The following NPAP1 variants were observed in gnomAD, a reference collection of about 807,000 sequenced individuals.
NPAP1 encodes the protein nuclear pore-associated protein 1.
For synonymous variants in NPAP1, 616 were observed against 581.4 expected (o/e 1.06, Z -0.86); for missense variants, 1,483 against 1,454.5 (o/e 1.02, Z -0.32).
In NPAP1 at chr15:24,676,813, G is replaced by C. The variant is rs767125914; in HGVS notation, c.946G>C (p.Ala316Pro). 2 of 1,613,034 alleles carry C rather than the reference G, an allele frequency of 1.2e-6. No homozygotes were observed. Among genetic ancestry groups the C allele is most frequent in the Admixed American group, 3.3e-5 (2 of 60,012 alleles). ...TTTCTGTATTCCTCCAAGGAGCGCT[G>C]CTCCTCCCAGAGCTGCCCGCAACAG... The part of the protein sequence containing the change: ...KPFCIPPRSA[A>P]PPRAARNRPC... Residue 316 changes from alanine to proline, a missense_variant, in exon 1 of 1, where the codon GCT (alanine) becomes CCT (proline). Coordinates refer to ENST00000329468, the MANE Select transcript of NPAP1 (RefSeq NM_018958.3).
At position 24,676,509 on chromosome 15, in the gene NPAP1, C is replaced by T. The variant is rs1040893141; in HGVS notation, c.642C>T (p.His214=). The T allele has an allele frequency of 6.2e-7, 1 of 1,614,024 alleles. No individual in the cohort carries two copies. The highest frequency in any genetic ancestry group is 1.3e-5 in the African/African-American group (1 of 74,936). Residue 214 remains histidine, a synonymous_variant, in exon 1 of 1, where the codon CAC becomes CAT. Coordinates refer to ENST00000329468, the MANE Select transcript of NPAP1 (RefSeq NM_018958.3). ...GGCCTCTGGAGGGAAATGTCTACCA[C>T]AAGTTCTCAGAAAACAGCATGAGTG... is the stretch of plus-strand genomic sequence containing the variant. ...SPGPLEGNVY[H]KFSENSMSEK...
rs778409056 is a variant in NPAP1 at position 24,676,029 on chromosome 15, C to G, written c.162C>G (p.Asn54Lys). ...PRPFRGLFRR[N>K]ARRRPSAASI... ...CTTTCCGCGGCCTGTTCCGCCGGAA[C>G]GCCCGTCGCAGGCCTTCAGCAGCCA... The change falls in exon 1 of 1, where the codon AAC (asparagine) becomes AAG (lysine). Residue 54 changes from asparagine (N) to lysine (K), a missense_variant. Asn to Lys is a moderately conservative substitution (Grantham distance 94, BLOSUM62 0). Coordinates refer to ENST00000329468, the MANE Select transcript of NPAP1 (RefSeq NM_018958.3). 1.3e-6 allele frequency: 2 copies of G among 1,597,140 alleles called. No individual in the cohort carries two copies. The highest frequency in any genetic ancestry group is 1.7e-5 in the Admixed American group (1 of 58,002).
In NPAP1 at chr15:24,678,212, A is replaced by G. The variant is rs2048990786; in HGVS notation, c.2345A>G (p.Gln782Arg). The change falls in exon 1 of 1, where the codon CAG (glutamine) becomes CGG (arginine). Residue 782 changes from glutamine (Q) to arginine (R), a missense_variant. Gln to Arg is a conservative substitution (Grantham distance 43). Coordinates refer to ENST00000329468, the MANE Select transcript of NPAP1 (RefSeq NM_018958.3). ...TTTGGGGCCCCTGATGGGCCGCAGC[A>G]GAAAACCTCTCTCCCCAGTGCCCAT... Reference protein sequence around the residue: ...PKFGAPDGPQQKTSLPSAHDF... With the variant: ...PKFGAPDGPQRKTSLPSAHDF... 1 of 1,613,098 alleles carries G rather than the reference A, an allele frequency of 6.2e-7. No individual in the cohort carries two copies. The highest frequency in any genetic ancestry group is 8.5e-7 in the Non-Finnish European group (1 of 1,179,696).
In NPAP1 at chr15:24,678,831, G is replaced by C. The variant is rs2141313550; in HGVS notation, c.2964G>C (p.Met988Ile). The change falls in exon 1 of 1, where the codon ATG (methionine) becomes ATC (isoleucine). Residue 988 changes from methionine (M) to isoleucine (I), a missense_variant. By Grantham distance (10) the Met-to-Ile change is conservative. Coordinates refer to ENST00000329468, the MANE Select transcript of NPAP1 (RefSeq NM_018958.3). ...CTGGATTTAGAATTGCCACTGGGATGCCTGGCACTGGAGACAGTACCTTAC... is the reference window on the plus strand; with the variant it reads ...CTGGATTTAGAATTGCCACTGGGATCCCTGGCACTGGAGACAGTACCTTAC... ...KTSGFRIATG[M>I]PGTGDSTLLV... is the part of the protein sequence containing the mutation. The C allele has an allele frequency of 6.2e-7, 1 of 1,614,196 alleles. No individual in the cohort carries two copies. Among genetic ancestry groups the C allele is most frequent in the South Asian group, 1.1e-5 (1 of 91,090 alleles).
In NPAP1 at chr15:24,676,111, C is replaced by G. The variant is rs199643130; in HGVS notation, c.244C>G (p.Leu82Val). 1.9e-6 allele frequency: 3 copies of G among 1,564,958 alleles called. No individual in the cohort carries two copies. Among genetic ancestry groups the G allele is most frequent in the South Asian group, 1.2e-5 (1 of 83,084 alleles). Reference sequence around the variant, plus strand: ...TCTCCCTCGGGCTGCGGCCGCCCCTCTGGGGGTCCTGCCGGCTGTGGGTTG... The same window carrying G: ...TCTCCCTCGGGCTGCGGCCGCCCCTGTGGGGGTCCTGCCGGCTGTGGGTTG... Reference protein sequence around the residue: ...CPLPRAAAAPLGVLPAVGWGL... With the variant: ...CPLPRAAAAPVGVLPAVGWGL... Residue 82 changes from leucine to valine, a missense_variant, in exon 1 of 1, where the codon CTG (leucine) becomes GTG (valine). Physicochemically the swap from Leu to Val is conservative, Grantham distance 32 (BLOSUM62 1). Coordinates refer to ENST00000329468, the MANE Select transcript of NPAP1 (RefSeq NM_018958.3).
At position 24,679,257 on chromosome 15, in the gene NPAP1, G is replaced by T; in HGVS notation, c.3390G>T (p.Glu1130Asp). The change falls in exon 1 of 1, where the codon GAG (glutamate) becomes GAT (aspartate). Residue 1130 changes from glutamate to aspartate, a missense_variant. By Grantham distance (45) the Glu-to-Asp change is conservative (BLOSUM62 2). Transcript: ENST00000329468. ...QQCILQHTWTERKFYTSSTHY... is the reference protein window; with the variant it reads ...QQCILQHTWTDRKFYTSSTHY... ...GCATCCTGCAGCACACATGGACAGA[G>T]AGAAAATTCTACACTTCAAGCACCC... 4 of 1,614,040 alleles carry T rather than the reference G, an allele frequency of 2.5e-6. No homozygotes were observed. Among genetic ancestry groups the T allele is most frequent in the Non-Finnish European group, 3.4e-6 (4 of 1,180,030 alleles).
At position 24,679,236 on chromosome 15, in the gene NPAP1, C is replaced by A. The variant is rs1419632228; in HGVS notation, c.3369C>A (p.Ile1123=). 1 of 1,614,118 alleles carries A rather than the reference C, an allele frequency of 6.2e-7. No homozygotes were observed. The highest frequency in any genetic ancestry group is 8.5e-7 in the Non-Finnish European group (1 of 1,180,026). ...GPCVPAFQQC[I]LQHTWTERKF... ...GTGTTCCTGCTTTTCAACAGTGCAT[C>A]CTGCAGCACACATGGACAGAGAGAA... The change falls in exon 1 of 1, where the codon ATC becomes ATA. Residue 1123 remains isoleucine, a synonymous_variant. Coordinates refer to ENST00000329468, the MANE Select transcript of NPAP1 (RefSeq NM_018958.3).
rs2049027680 is a variant in NPAP1 at position 24,683,121 on chromosome 15, GT to G, written c.*3784del. ...GCCTGTTCCTCTTCCTTATTTAGAAGTGTTTTTACCTTTCTCAGCATTCCAC... is the reference window on the plus strand; with the variant it reads ...GCCTGTTCCTCTTCCTTATTTAGAAGGTTTTTACCTTTCTCAGCATTCCAC... On this transcript the variant is annotated 3_prime_UTR_variant, in exon 1 of 1. Coordinates refer to ENST00000329468, the MANE Select transcript of NPAP1 (RefSeq NM_018958.3). The G allele has an allele frequency of 5.3e-6, 1 of 189,230 alleles. No individual in the cohort carries two copies. 11.7% of individuals were successfully genotyped at this position (189,230 alleles called of 1,614,324 possible).
chr15:24,679,686 G>A lies in NPAP1; in HGVS notation c.*348G>A, dbSNP rs2049004799. Reference sequence around the variant, plus strand: ...CTTCCAGGAGTGTCAACATTCATTTGATAGAAGGCCCTCATGTGCCCATGT... The same window carrying A: ...CTTCCAGGAGTGTCAACATTCATTTAATAGAAGGCCCTCATGTGCCCATGT... On this transcript the variant is annotated 3_prime_UTR_variant, in exon 1 of 1. Coordinates refer to ENST00000329468, the MANE Select transcript of NPAP1 (RefSeq NM_018958.3). 1.9e-5 allele frequency: 5 copies of A among 266,494 alleles called. No homozygotes were observed. Among genetic ancestry groups the A allele is most frequent in the Non-Finnish European group, 3.8e-5 (5 of 130,130 alleles). 16.5% of individuals were successfully genotyped at this position (266,494 alleles called of 1,614,324 possible). A position where few individuals can be genotyped will look rare whatever the true frequency, so the allele number is the denominator to read the frequency against.
chr15:24,678,577 A>G lies in NPAP1; in HGVS notation c.2710A>G (p.Thr904Ala), dbSNP rs751111039. ...CATCTCTCATTCCACACTTGGGGCC[A>G]CTGATGGGCAGCAGAAGTCTGACAG... Reference protein sequence around the residue: ...GSISHSTLGATDGQQKSDSSF... With the variant: ...GSISHSTLGAADGQQKSDSSF... The change falls in exon 1 of 1, where the codon ACT becomes GCT. Residue 904 changes from threonine (T) to alanine (A), a missense_variant. Transcript: ENST00000329468. 5 of 1,614,046 alleles carry G rather than the reference A, an allele frequency of 3.1e-6. No homozygotes were observed. The Admixed American group carries it at 6.7e-5, about 22-fold the overall frequency.
chr15:24,679,210 T>C lies in NPAP1; in HGVS notation c.3343T>C (p.Cys1115Arg), dbSNP rs1489388807. 1 of 1,614,196 alleles carries C rather than the reference T, an allele frequency of 6.2e-7. No homozygotes were observed. The highest frequency in any genetic ancestry group is 8.5e-7 in the Non-Finnish European group (1 of 1,180,038). ...DGTRSIVGGP[C>R]VPAFQQCILQ... Reference sequence around the variant, plus strand: ...CACCAGATCCATAGTTGGAGGCCCTTGTGTTCCTGCTTTTCAACAGTGCAT... The same window carrying C: ...CACCAGATCCATAGTTGGAGGCCCTCGTGTTCCTGCTTTTCAACAGTGCAT... Residue 1115 changes from cysteine to arginine, a missense_variant, in exon 1 of 1, where the codon TGT becomes CGT. Transcript: ENST00000329468.
Position 24,679,200 on chromosome 15 carries a change from T to C in NPAP1, c.3333T>C (p.Val1111=). The C allele has an allele frequency of 6.2e-7, 1 of 1,614,218 alleles. No homozygotes were observed. Among genetic ancestry groups the C allele is most frequent in the Non-Finnish European group, 8.5e-7 (1 of 1,180,030 alleles). ...GAGGGGATGGCACCAGATCCATAGTTGGAGGCCCTTGTGTTCCTGCTTTTC... is the reference window on the plus strand; with the variant it reads ...GAGGGGATGGCACCAGATCCATAGTCGGAGGCCCTTGTGTTCCTGCTTTTC... The part of the protein sequence containing the change: ...GMGGDGTRSI[V]GGPCVPAFQQ... The change falls in exon 1 of 1, where the codon GTT becomes GTC. Residue 1111 remains valine (V), a synonymous_variant. Transcript: ENST00000329468.
At position 24,677,817 on chromosome 15, in the gene NPAP1, G is replaced by A. The variant is rs1595616011; in HGVS notation, c.1950G>A (p.Glu650=). Residue 650 remains glutamate, a synonymous_variant, in exon 1 of 1, where the codon GAG becomes GAA. Transcript: ENST00000329468. ...AAGCCACCCCTCAGCCCAAATTTGA[G>A]GCTCCTGATGGGCAGCCGCAGAAAG... The part of the protein sequence containing the change: ...GKEATPQPKF[E]APDGQPQKAS... 6.2e-7 allele frequency: 1 copy of A among 1,614,010 alleles called. No individual in the cohort carries two copies. The highest frequency in any genetic ancestry group is 8.5e-7 in the Non-Finnish European group (1 of 1,180,010).
chr15:24,679,517 G>C lies in NPAP1; in HGVS notation c.*179G>C. 1.6e-6 allele frequency: 1 copy of C among 616,708 alleles called. No individual in the cohort carries two copies. 38.2% of individuals were successfully genotyped at this position (616,708 alleles called of 1,614,324 possible). On this transcript the variant is annotated 3_prime_UTR_variant, in exon 1 of 1. Transcript: ENST00000329468. Reference sequence around the variant, plus strand: ...CAACATCCCTGTGCTCCCTTTCTCTGTCAGTACACATGGGTCCCACCTGGA... The same window carrying C: ...CAACATCCCTGTGCTCCCTTTCTCTCTCAGTACACATGGGTCCCACCTGGA...
At position 24,677,169 on chromosome 15, in the gene NPAP1, T is replaced by G; in HGVS notation, c.1302T>G (p.Thr434=). Residue 434 remains threonine, a synonymous_variant, in exon 1 of 1, where the codon ACT becomes ACG. Coordinates refer to ENST00000329468, the MANE Select transcript of NPAP1 (RefSeq NM_018958.3). ...TCCCTGACTTGGCTGACCTGGCTAC[T>G]GGACCCCTCATCCTGCCTATCCCTC... ...LPIPDLADLA[T]GPLILPIPPL... The G allele has an allele frequency of 6.2e-7, 1 of 1,614,084 alleles. No individual in the cohort carries two copies. Among genetic ancestry groups the G allele is most frequent in the Non-Finnish European group, 8.5e-7 (1 of 1,180,014 alleles).
chr15:24,678,566 C>T lies in NPAP1; in HGVS notation c.2699C>T (p.Thr900Ile), dbSNP rs1326497069. The T allele has an allele frequency of 1.2e-6, 2 of 1,614,094 alleles. No individual in the cohort carries two copies. The highest frequency in any genetic ancestry group is 2.2e-5 in the South Asian group (2 of 91,080). The stretch of plus-strand genomic sequence containing the variant: ...AATACAGGATCCATCTCTCATTCCA[C>T]ACTTGGGGCCACTGATGGGCAGCAG... ...PLNTGSISHS[T>I]LGATDGQQKS... The change falls in exon 1 of 1, where the codon ACA (threonine) becomes ATA (isoleucine). Residue 900 changes from threonine to isoleucine, a missense_variant. Physicochemically the swap from Thr to Ile is moderately conservative, Grantham distance 89. Transcript: ENST00000329468.
In NPAP1 at chr15:24,681,255, A is replaced by G. The variant is rs35903521; in HGVS notation, c.*1917A>G. On this transcript the variant is annotated 3_prime_UTR_variant, in exon 1 of 1. Coordinates refer to ENST00000329468, the MANE Select transcript of NPAP1 (RefSeq NM_018958.3). ...TCTCAATGAAATCAGTACTTTTACT[A>G]TGGCCTGTTTATCTCATAAGATTTT... The G allele has an allele frequency of 0.12, 20,080 of 167,140 alleles. 1,457 individuals are homozygous for G. The highest frequency in any genetic ancestry group is 0.16 in the Non-Finnish European group (10,953 of 68,096). 10.4% of individuals were successfully genotyped at this position (167,140 alleles called of 1,614,324 possible).
Position 24,676,903 on chromosome 15 carries a change from T to A in NPAP1, c.1036T>A (p.Trp346Arg). 1 of 1,613,752 alleles carries A rather than the reference T, an allele frequency of 6.2e-7. No individual in the cohort carries two copies. The highest frequency in any genetic ancestry group is 8.5e-7 in the Non-Finnish European group (1 of 1,180,018). ...LPLPPSLPLL[W>R]DRGELPPPAK... ...GCTGCCCCCTTCACTGCCATTGCTG[T>A]GGGATCGAGGTGAGCTTCCCCCACC... Residue 346 changes from tryptophan to arginine, a missense_variant, in exon 1 of 1, where the codon TGG becomes AGG. By Grantham distance (101) the Trp-to-Arg change is moderately radical. Coordinates refer to ENST00000329468, the MANE Select transcript of NPAP1 (RefSeq NM_018958.3).
Position 24,676,030 on chromosome 15 carries a change from G to T in NPAP1, c.163G>T (p.Ala55Ser), listed in dbSNP as rs747448894. 1.3e-6 allele frequency: 2 copies of T among 1,596,202 alleles called. No individual in the cohort carries two copies. Among genetic ancestry groups the T allele is most frequent in the Admixed American group, 3.5e-5 (2 of 57,896 alleles). The change falls in exon 1 of 1, where the codon GCC (alanine) becomes TCC (serine). Residue 55 changes from alanine (A) to serine (S), a missense_variant. Coordinates refer to ENST00000329468, the MANE Select transcript of NPAP1 (RefSeq NM_018958.3). ...TTTCCGCGGCCTGTTCCGCCGGAAC[G>T]CCCGTCGCAGGCCTTCAGCAGCCAG... is the stretch of plus-strand genomic sequence containing the variant. ...RPFRGLFRRN[A>S]RRRPSAASIF... is the part of the protein sequence containing the mutation.
Sources: gnomAD v4.1 joint callset for allele counts on GRCh38, gnomAD v4.1.1 for gene constraint, MANE v1.5 for transcripts, NCBI Gene and HGNC (gene_info 2026-07-23, HGNC 2026-07-21) for gene names.